PDSS2: variants seen among roughly 807,000 people sequenced by gnomAD.
PDSS2 encodes the protein all trans-polyprenyl-diphosphate synthase PDSS2.
Under a neutral mutation model 44.5 loss-of-function variants are expected in PDSS2, and 31 were observed. That is an observed-to-expected ratio of 0.70 (90% CI 0.52 to 0.94). The LOEUF (loss-of-function observed/expected upper bound fraction) is 0.94, where lower values mean the gene tolerates loss of function less well. Among genes scored for constraint, PDSS2 ranks in the 40% least tolerant of loss-of-function variants. The pLI is 0.00. For missense variants in PDSS2, 452 were observed against 482.2 expected (o/e 0.94, Z 0.59); for synonymous variants, 157 against 180.3 (o/e 0.87, Z 1.03).
chr6:107,202,396 C>T (rs990730829), intron 6 of PDSS2, among the ~76,000 whole-genome samples: 1 of 149,636 alleles, frequency 6.7e-6, no homozygotes, highest in East Asian at 1.9e-4. Context: ...AAAAAACAAA[C>T]AAAACAAAAC....
chr6:107,292,397 T>G (rs76951246), intron 2 of PDSS2, among the ~76,000 whole-genome samples: 1 of 152,172 alleles, frequency 6.6e-6, no homozygotes, highest in East Asian at 1.9e-4. Flanking sequence ...TCAGTATTGA[T>G]GTGTTCTGTA....
intron 1 of PDSS2, among the ~76,000 whole-genome samples, chr6:107,428,250 G>A (rs1019325785): frequency 1.3e-5 from 2 of 152,198 alleles, no homozygotes; most frequent in African/African-American, 4.8e-5. Flanking sequence ...TTGCTAACAA[G>A]TGGTATAGCT....
chr6:107,286,389 A>T (rs1169639411), intron 2 of PDSS2, among the ~76,000 whole-genome samples: 2 of 151,812 alleles, frequency 1.3e-5, no homozygotes, highest in Non-Finnish European at 2.9e-5. Context: ...GGGTGCCTGT[A>T]ATCCCAGCTA....
chr6:107,316,502 C>T (rs1266608666), intron 2 of PDSS2, among the ~76,000 whole-genome samples: 1 of 151,802 alleles, frequency 6.6e-6, no homozygotes, highest in Non-Finnish European at 1.5e-5. Flanking sequence ...TTATATATGG[C>T]TATGGTCTAC....
chr6:107,225,807 A>C (rs1773800387), intron 4 of PDSS2, among the ~76,000 whole-genome samples: 2 of 152,268 alleles, frequency 1.3e-5, no homozygotes, highest in South Asian at 4.2e-4. Flanking sequence ...CTTCATTTAA[A>C]CTTGGGAAGA....
chr6:107,348,834 A>C (rs1283390699), intron 1 of PDSS2, among the ~76,000 whole-genome samples: 1 of 152,166 alleles, frequency 6.6e-6, no homozygotes, highest in African/African-American at 2.4e-5. Flanking sequence ...TATCTATTGC[A>C]GGCAGTGCTC....
intron 2 of PDSS2, among the ~76,000 whole-genome samples, chr6:107,300,497 C>T (rs982896849): frequency 6.6e-6 from 1 of 152,168 alleles, no homozygotes. Context: ...GCACCCACCT[C>T]TAAACACGGG....
intron 7 of PDSS2, among the ~76,000 whole-genome samples, chr6:107,188,185 C>G (rs571110920): frequency 1.3e-3 from 201 of 152,198 alleles, no homozygotes; most frequent in African/African-American, 4.5e-3. Flanking sequence ...CGAGACCAGC[C>G]TGAGCAATGT....
At chr6:107,356,055 T>C (rs575167177) in intron 1 of PDSS2, among the ~76,000 whole-genome samples, 7 of 152,264 alleles carry the variant, frequency 4.6e-5, no homozygotes, top group Non-Finnish European at 8.8e-5. Flanking sequence ...GGCACTATTA[T>C]ACTCCATTAT....
chr6:107,358,039 C>T (rs903187632), intron 1 of PDSS2, among the ~76,000 whole-genome samples: 5 of 152,120 alleles, frequency 3.3e-5, no homozygotes, highest in Non-Finnish European at 5.9e-5. Flanking sequence ...CAAAATGTTT[C>T]GCAATCCAAA....
At chr6:107,454,916 C>T (rs536549955) in intron 1 of PDSS2, among the ~76,000 whole-genome samples, 1 of 152,300 alleles carries the variant, frequency 6.6e-6, no homozygotes, top group Admixed American at 6.5e-5. Flanking sequence ...TAACTGTGTA[C>T]AGTGTATATA....
At chr6:107,434,291 G>T (rs1352725054) in intron 1 of PDSS2, among the ~76,000 whole-genome samples, 2 of 152,220 alleles carry the variant, frequency 1.3e-5, no homozygotes, top group African/African-American at 4.8e-5. Flanking sequence ...ATACTGAAGA[G>T]ATAGCTATAC....
At chr6:107,196,363 A>G (rs1002470577) in intron 6 of PDSS2, among the ~76,000 whole-genome samples, 3 of 152,236 alleles carry the variant, frequency 2.0e-5, no homozygotes, top group African/African-American at 7.2e-5. Flanking sequence ...AATAATCCAC[A>G]GATGGCCTGT....
At chr6:107,405,101 CA>C (rs1388394585) in intron 1 of PDSS2, among the ~76,000 whole-genome samples, 2 of 151,582 alleles carry the variant, frequency 1.3e-5, no homozygotes, top group Admixed American at 1.3e-4. Flanking sequence ...AGAAACCTTA[CA>C]AGGCAGAAGA....
At chr6:107,263,097 G>C (rs1254068033) in intron 3 of PDSS2, among the ~76,000 whole-genome samples, 2 of 151,454 alleles carry the variant, frequency 1.3e-5, no homozygotes, top group African/African-American at 4.9e-5. Context: ...TGTTCAGTTT[G>C]TTTTCCTATT....
chr6:107,337,490 A>G (rs1777941734), intron 1 of PDSS2, among the ~76,000 whole-genome samples: 1 of 152,210 alleles, frequency 6.6e-6, no homozygotes, highest in Non-Finnish European at 1.5e-5. Flanking sequence ...ACTAGCTGTG[A>G]GTGTGACTCT....
chr6:107,235,114 G>A (rs764501294), intron 4 of PDSS2, among the ~76,000 whole-genome samples: 118 of 152,196 alleles, frequency 7.8e-4, no homozygotes, highest in Non-Finnish European at 1.8e-4. Flanking sequence ...AGAATGCCAG[G>A]ATGCAGAGGA....
At chr6:107,395,456 C>T (rs1207078049) in intron 1 of PDSS2, among the ~76,000 whole-genome samples, 5 of 152,142 alleles carry the variant, frequency 3.3e-5, no homozygotes, top group African/African-American at 7.2e-5. Flanking sequence ...AAGCTCTATA[C>T]ATTTTTTCAT....
At chr6:107,282,592 T>G (rs9688429) in intron 2 of PDSS2, among the ~76,000 whole-genome samples, 118,822 of 150,980 alleles carry the variant, frequency 0.79, 46,813 homozygotes, top group South Asian at 0.89. Flanking sequence ...GGGGCCGGGC[T>G]CCGTGGTTCA....
Sources: allele counts gnomAD v4.1 joint callset (sites outside exome capture counted in the v4.1 genomes callset), GRCh38; gene constraint gnomAD v4.1.1; transcripts MANE v1.5; gene names NCBI Gene and HGNC (gene_info 2026-07-23, HGNC 2026-07-21).